TRIM44: variants seen among roughly 807,000 people sequenced by gnomAD.
TRIM44 encodes the protein tripartite motif-containing protein 44.
TRIM44 carries 13 observed loss-of-function variants against 37.4 expected under a neutral mutation model. The ratio of observed to expected loss-of-function variants is 0.35; its 90% CI spans 0.23 to 0.55. The LOEUF (loss-of-function observed/expected upper bound fraction) is 0.55, where lower values mean the gene tolerates loss of function less well. TRIM44 is among the 20% of genes least tolerant of loss of function. The pLI, the probability that TRIM44 is intolerant of heterozygous loss-of-function variation, is 0.89. For synonymous variants in TRIM44, 175 were observed against 157.2 expected, an observed-to-expected ratio of 1.11 and a Z score of -0.85; for missense variants, 426 against 437.2, an observed-to-expected ratio of 0.97 and a Z score of 0.23.
chr11:35,789,604 C>T (rs1853176034), intron 4 of TRIM44, among the ~76,000 whole-genome samples: 1 of 152,184 alleles, frequency 6.6e-6, no homozygotes, highest in South Asian at 2.1e-4. Flanking sequence ...GCTGTGCACT[C>T]CTGCTCCTCT....
chr11:35,684,980 C>T (rs1303609569), intron 1 of TRIM44, among the ~76,000 whole-genome samples: 1 of 152,166 alleles, frequency 6.6e-6, no homozygotes, highest in Non-Finnish European at 1.5e-5. Context: ...TCAGTGAACA[C>T]CAGCACAGTT....
At chr11:35,778,059 T>C (rs551521448) in intron 4 of TRIM44, among the ~76,000 whole-genome samples, 24 of 152,352 alleles carry the variant, frequency 1.6e-4, no homozygotes, top group African/African-American at 5.3e-4. Context: ...GTTTTCCAAC[T>C]TGGTTCCATT....
At chr11:35,709,422 A>G (rs759789673) in intron 2 of TRIM44, among the ~76,000 whole-genome samples, 12 of 152,012 alleles carry the variant, frequency 7.9e-5, no homozygotes, top group Non-Finnish European at 1.8e-4. Flanking sequence ...AAACAAAGGG[A>G]TGAAACAAAA....
At chr11:35,764,105 TA>T (rs1250756271) in intron 4 of TRIM44, among the ~76,000 whole-genome samples, 1 of 152,204 alleles carries the variant, frequency 6.6e-6, no homozygotes, top group East Asian at 1.9e-4. Context: ...TCCTCTCTTT[TA>T]TCTCTTGCTT....
chr11:35,677,516 ATAAC>A lies in TRIM44; in HGVS notation c.670-7738_670-7735del, dbSNP rs1851471683. 2.0e-5 allele frequency among the ~76,000 whole-genome samples: 3 copies of A among 152,270 alleles called. No homozygotes were observed. In the South Asian group the frequency reaches 6.2e-4, roughly 32 times the overall value. On this transcript the variant is annotated intron_variant, in intron 1 of 4. Coordinates refer to ENST00000299413, the MANE Select transcript of TRIM44 (RefSeq NM_017583.6). ...TTAATTAATAATAACAACAGAAATT[ATAAC>A]TAACATTTATTGAGAACTTAGCTTG... is the stretch of plus-strand genomic sequence containing the variant.
At chr11:35,776,612 C>G (rs569051370) in intron 4 of TRIM44, among the ~76,000 whole-genome samples, 1 of 152,140 alleles carries the variant, frequency 6.6e-6, no homozygotes, top group Non-Finnish European at 1.5e-5. Flanking sequence ...ATAAATTTCC[C>G]TCTACACACT....
intron 4 of TRIM44, among the ~76,000 whole-genome samples, chr11:35,782,271 G>T (rs1853076855): frequency 6.6e-6 from 1 of 152,056 alleles, no homozygotes; most frequent in Admixed American, 6.6e-5. Flanking sequence ...AGTCTTAAAG[G>T]ACATATATAA....
chr11:35,686,915 A>G (rs1201685952), intron 2 of TRIM44, among the ~76,000 whole-genome samples: 1 of 152,058 alleles, frequency 6.6e-6, no homozygotes, highest in Non-Finnish European at 1.5e-5. Flanking sequence ...TACTATCCCA[A>G]ACTGAAATTC....
At position 35,758,841 on chromosome 11, in the gene TRIM44, G is replaced by T. The variant is rs1222860573; in HGVS notation, c.1007+23396G>T. 2.0e-5 allele frequency among the ~76,000 whole-genome samples: 3 copies of T among 152,166 alleles called. No homozygotes were observed. The East Asian group carries it at 5.8e-4, about 29-fold the overall frequency. ...TGAGTATTGGCCCCCACTCTCTTCTGGCTTGTAGAGTTTCTGCCAAGACAT... is the reference window on the plus strand; with the variant it reads ...TGAGTATTGGCCCCCACTCTCTTCTTGCTTGTAGAGTTTCTGCCAAGACAT... On this transcript the variant is annotated intron_variant, in intron 4 of 4. Coordinates refer to ENST00000299413, the MANE Select transcript of TRIM44 (RefSeq NM_017583.6).
chr11:35,663,664 G>C lies in TRIM44; in HGVS notation c.553G>C (p.Asp185His). ...AKRKCPDHGL[D>H]LSTYCQEDRQ... ...GAGGAAGTGTCCGGACCATGGGCTTGATTTGAGTACCTATTGCCAGGAAGA... is the reference window on the plus strand; with the variant it reads ...GAGGAAGTGTCCGGACCATGGGCTTCATTTGAGTACCTATTGCCAGGAAGA... Residue 185 changes from aspartate to histidine, a missense_variant, in exon 1 of 5, where the codon GAT (aspartate) becomes CAT (histidine). Around this residue, in one of 2 missense-constraint regions of TRIM44, gnomAD observed 331 missense variants for 303.0 expected, o/e 1.09. Transcript: ENST00000299413. 6.2e-7 allele frequency: 1 copy of C among 1,614,196 alleles called. No homozygotes were observed. Among genetic ancestry groups the C allele is most frequent in the Non-Finnish European group, 8.5e-7 (1 of 1,180,038 alleles).
intron 2 of TRIM44, among the ~76,000 whole-genome samples, chr11:35,697,736 G>C (rs1274184445): frequency 1.4e-4 from 21 of 151,600 alleles, no homozygotes; most frequent in Admixed American, 1.4e-3. Flanking sequence ...AGTTTGTTGA[G>C]AATGATGGTT....
intron 4 of TRIM44, among the ~76,000 whole-genome samples, chr11:35,770,710 C>T (rs1852856810): frequency 6.6e-6 from 1 of 152,088 alleles, no homozygotes; most frequent in Non-Finnish European, 1.5e-5. Context: ...AGCTCTGTGT[C>T]CCCACCCAAA....
At position 35,726,181 on chromosome 11, in the gene TRIM44, AATT is replaced by A. The variant is rs749178077; in HGVS notation, c.987+23_987+25del. On this transcript the variant is annotated intron_variant, in intron 3 of 4. Coordinates refer to ENST00000299413, the MANE Select transcript of TRIM44 (RefSeq NM_017583.6). The stretch of plus-strand genomic sequence containing the variant: ...AGGCAGAGGTAAAGGAAAAGCCCAT[AATT>A]ATTAGTAGCAAGAGAAATAGGAGGA... 1 of 1,610,070 alleles carries A rather than the reference AATT, an allele frequency of 6.2e-7. No individual in the cohort carries two copies. Among genetic ancestry groups the A allele is most frequent in the Admixed American group, 1.7e-5 (1 of 59,764 alleles).
chr11:35,775,812 G>T (rs1425797703), intron 4 of TRIM44, among the ~76,000 whole-genome samples: 1 of 152,186 alleles, frequency 6.6e-6, no homozygotes, highest in Non-Finnish European at 1.5e-5. Flanking sequence ...ACATCCCAGG[G>T]ATGAAGCCCA....
intron 4 of TRIM44, among the ~76,000 whole-genome samples, chr11:35,772,514 T>C (rs528932723): frequency 6.6e-6 from 1 of 152,234 alleles, no homozygotes; most frequent in Non-Finnish European, 1.5e-5. Flanking sequence ...CCCAAGACCA[T>C]GGGAACCCAC....
rs573282021 is a variant in TRIM44, at chr11:35,686,475, A to G, written c.747+1139A>G. Among the ~76,000 whole-genome samples, 296 of 152,024 alleles carry G rather than the reference A, an allele frequency of 1.9e-3. 3 individuals are homozygous for G. The South Asian group carries it at 0.025, about 13-fold the overall frequency. Reference sequence around the variant, plus strand: ...CTTACATGATTGTACTAAAATATACATACAAAATTTTAACCATTTTTGAGT... The same window carrying G: ...CTTACATGATTGTACTAAAATATACGTACAAAATTTTAACCATTTTTGAGT... On this transcript the variant is annotated intron_variant, in intron 2 of 4. Transcript: ENST00000299413.
chr11:35,777,355 A>G (rs11500305), intron 4 of TRIM44, among the ~76,000 whole-genome samples: 3,580 of 152,188 alleles, frequency 0.024, 103 homozygotes, highest in African/African-American at 0.066. Context: ...GTGTCTCTGC[A>G]TGTGAGATGG....
At chr11:35,769,003 T>C (rs1403528032) in intron 4 of TRIM44, among the ~76,000 whole-genome samples, 1 of 152,228 alleles carries the variant, frequency 6.6e-6, no homozygotes, top group Non-Finnish European at 1.5e-5. Context: ...ATGTTTAAGC[T>C]TCTTTTCAAA....
chr11:35,761,388 G>GCT (rs58015445), intron 4 of TRIM44, among the ~76,000 whole-genome samples: 4,204 of 112,812 alleles, frequency 0.037, 69 homozygotes, highest in African/African-American at 0.062. Context: ...TGTATTGTTT[G>GCT]CTCTCTCTCT....
Sources: allele counts gnomAD v4.1 joint callset (sites outside exome capture counted in the v4.1 genomes callset), GRCh38; gene constraint gnomAD v4.1.1; regional missense constraint gnomAD v4.1.1; transcripts MANE v1.5; gene names NCBI Gene and HGNC (gene_info 2026-07-23, HGNC 2026-07-21).